RCL1: variants seen among roughly 807,000 people sequenced by gnomAD.
RCL1 encodes RNA terminal phosphate cyclase like 1, also known as RNA 3'-terminal phosphate cyclase-like protein.
In RCL1, 24 loss-of-function variants were observed where a neutral mutation model predicts 42.4. That is an observed-to-expected ratio of 0.57 (90% CI 0.41 to 0.80). The LOEUF (loss-of-function observed/expected upper bound fraction) is 0.80. Ranked by LOEUF, RCL1 falls within the 30% of genes least tolerant of loss-of-function variation. RCL1 has a pLI of 0.00. For missense variants in RCL1, 578 were observed against 467.9 expected (o/e 1.24, Z -2.17); for synonymous variants, 228 against 177.3 (o/e 1.29, Z -2.27).
chr9:4,793,335 A>C, intron 1 of RCL1, 108 bp downstream of exon 1: 2 of 1,258,386 alleles, frequency 1.6e-6, no homozygotes, highest in Non-Finnish European at 2.1e-6. Context: ...GCGTCCGGCG[A>C]GCGCGTCGGG....
intron 1 of RCL1, among the ~76,000 whole-genome samples, chr9:4,817,395 A>T (rs537969573): frequency 6.7e-6 from 1 of 149,996 alleles, no homozygotes; most frequent in East Asian, 1.9e-4. Flanking sequence ...GTCCTATCTT[A>T]TTTCCTTTTA....
intron 3 of RCL1, among the ~76,000 whole-genome samples, chr9:4,831,333 G>GAGTGGCTGCCCAAA (rs1563844878): frequency 0.012 from 1,775 of 152,232 alleles, 37 homozygotes; most frequent in African/African-American, 0.041. Flanking sequence ...CGAGAGAGCC[G>GAGTGGCTGCCCAAA]GTGGCTGCCC....
intron 7 of RCL1, 32 bp downstream of exon 7, chr9:4,844,713 G>A: frequency 1.3e-6 from 2 of 1,587,410 alleles, no homozygotes; most frequent in Non-Finnish European, 8.6e-7. Context: ...ATAGAGGAGT[G>A]ACCAGGAAGC....
Position 4,841,266 on chromosome 9 carries a change from C to G in RCL1, c.619C>G (p.Arg207Gly). ...ACGTGTGTCACCTCAGATGGCGAACCGGATTGTGGATTCTGCAAGGAGCAT... is the reference window on the plus strand; with the variant it reads ...ACGTGTGTCACCTCAGATGGCGAACGGGATTGTGGATTCTGCAAGGAGCAT... ...SVRVSPQMAN[R>G]IVDSARSILN... The change falls in exon 6 of 9, where the codon CGG (arginine) becomes GGG (glycine). Residue 207 changes from arginine (R) to glycine (G), a missense_variant. Arg to Gly is a moderately radical substitution (Grantham distance 125, BLOSUM62 -2). Transcript: ENST00000381750. 6.2e-7 allele frequency: 1 copy of G among 1,613,464 alleles called. No individual in the cohort carries two copies. Among genetic ancestry groups the G allele is most frequent in the Non-Finnish European group, 8.5e-7 (1 of 1,179,456 alleles).
At chr9:4,835,689 G>A (rs1016499498) in intron 5 of RCL1, among the ~76,000 whole-genome samples, 3 of 152,242 alleles carry the variant, frequency 2.0e-5, no homozygotes, top group Admixed American at 6.5e-5. Context: ...CCCAGGTGCT[G>A]GAGTCAGAAA....
chr9:4,795,642 G>GA (rs953157483), intron 1 of RCL1, among the ~76,000 whole-genome samples: 1 of 152,110 alleles, frequency 6.6e-6, no homozygotes, highest in African/African-American at 2.4e-5. Flanking sequence ...CTCAGAGTTG[G>GA]AAAAAACTCA....
chr9:4,845,571 A>AT (rs1817484827), intron 7 of RCL1, among the ~76,000 whole-genome samples: 1 of 152,234 alleles, frequency 6.6e-6, no homozygotes, highest in South Asian at 2.1e-4. Context: ...ATTCCCTGAG[A>AT]TCCCCTATAC....
At chr9:4,794,038 T>A (rs1177298069) in intron 1 of RCL1, among the ~76,000 whole-genome samples, 2 of 152,220 alleles carry the variant, frequency 1.3e-5, no homozygotes, top group African/African-American at 4.8e-5. Flanking sequence ...TGGCATGAGA[T>A]ACATGCATTT....
At chr9:4,834,038 C>G (rs1817038435) in intron 4 of RCL1, 103 bp from the exon 5 acceptor site, 1 of 1,312,640 alleles carries the variant, frequency 7.6e-7, no homozygotes, top group East Asian at 2.6e-5. Flanking sequence ...AGAGCTATGC[C>G]TTGTAAGGAA....
intron 1 of RCL1, among the ~76,000 whole-genome samples, chr9:4,811,300 AAG>A (rs1322604524): frequency 6.6e-6 from 1 of 151,978 alleles, no homozygotes; most frequent in African/African-American, 2.4e-5. Context: ...AAAAGGAAAA[AAG>A]AAAATATACA....
At chr9:4,841,616 C>T (rs1817332685) in intron 6 of RCL1, among the ~76,000 whole-genome samples, 1 of 152,188 alleles carries the variant, frequency 6.6e-6, no homozygotes, top group African/African-American at 2.4e-5. Flanking sequence ...TCTATTAATA[C>T]ACAATGCTTT....
chr9:4,827,349 G>C, intron 3 of RCL1: 1 of 1,050,762 alleles, frequency 9.5e-7, no homozygotes, highest in Non-Finnish European at 1.3e-6. Context: ...TGAGAGTGGA[G>C]TTTTTGTAAG....
intron 1 of RCL1, among the ~76,000 whole-genome samples, chr9:4,796,533 C>T (rs1402278972): frequency 6.6e-6 from 1 of 152,120 alleles, no homozygotes; most frequent in African/African-American, 2.4e-5. Flanking sequence ...GTAGCTGGAA[C>T]TACAGATGTG....
At chr9:4,825,032 C>T (rs1456676034) in intron 2 of RCL1, among the ~76,000 whole-genome samples, 1 of 152,072 alleles carries the variant, frequency 6.6e-6, no homozygotes, top group Non-Finnish European at 1.5e-5. Flanking sequence ...CTGCCTTAGC[C>T]TCCCCAGTAG....
intron 1 of RCL1, among the ~76,000 whole-genome samples, chr9:4,805,885 C>G (rs1189914587): frequency 2.0e-5 from 3 of 152,168 alleles, no homozygotes; most frequent in African/African-American, 7.2e-5. Flanking sequence ...TAGTTTTCAG[C>G]ATACAAGTAC....
At chr9:4,834,741 G>A (rs1428084134) in intron 5 of RCL1, among the ~76,000 whole-genome samples, 1 of 152,140 alleles carries the variant, frequency 6.6e-6, no homozygotes, top group South Asian at 2.1e-4. Flanking sequence ...TAATCATAAT[G>A]AATGATATCT....
At chr9:4,826,770 T>G in intron 2 of RCL1, 88 bp from the exon 3 acceptor site, 1 of 1,196,436 alleles carries the variant, frequency 8.4e-7, no homozygotes, top group Admixed American at 2.2e-5. Context: ...CTTGTCAGGC[T>G]TTCCCCTTGG....
intron 3 of RCL1, among the ~76,000 whole-genome samples, chr9:4,827,507 A>G (rs1361008310): frequency 6.6e-6 from 1 of 152,208 alleles, no homozygotes; most frequent in Non-Finnish European, 1.5e-5. Context: ...GAGTTTGCAG[A>G]TTAGGAAAAG....
intron 1 of RCL1, among the ~76,000 whole-genome samples, chr9:4,822,988 C>T (rs1020114618): frequency 6.6e-5 from 10 of 151,800 alleles, no homozygotes; most frequent in African/African-American, 1.9e-4. Context: ...AAATAAAAAA[C>T]TGAACTGGTT....
Sources: allele counts gnomAD v4.1 joint callset (sites outside exome capture counted in the v4.1 genomes callset), GRCh38; gene constraint gnomAD v4.1.1; transcripts MANE v1.5; gene names NCBI Gene and HGNC (gene_info 2026-07-23, HGNC 2026-07-21).